MSTO1: variants seen among roughly 807,000 people sequenced by gnomAD.
MSTO1 encodes misato mitochondrial distribution and morphology regulator 1, also known as protein misato homolog 1.
Under a neutral mutation model 55.7 loss-of-function variants are expected in MSTO1, and 24 were observed. The ratio of observed to expected loss-of-function variants is 0.43; its 90% CI spans 0.31 to 0.61. MSTO1 has a LOEUF of 0.61. Among genes scored for constraint, MSTO1 ranks in the 20% least tolerant of loss-of-function variants. MSTO1 has a pLI of 0.09. For synonymous variants in MSTO1, 162 were observed against 252.8 expected (o/e 0.64, Z 3.41); for missense variants, 363 against 625.7 (o/e 0.58, Z 4.48).
chr1:155,588,248 C>A, the MSTO1 span, among the ~76,000 whole-genome samples: 1 of 150,180 alleles, frequency 6.7e-6, no homozygotes, highest in Admixed American at 6.6e-5. Context: ...ACAATTTTAG[C>A]ATCTAAAATG....
At chr1:155,598,746 C>T in the MSTO1 span, 4 of 630,860 alleles carry the variant, frequency 6.3e-6, no homozygotes, top group Non-Finnish European at 1.1e-5. Context: ...ACAAAAAAAA[C>T]ATAAGTACTG....
At chr1:155,597,510 G>A in the MSTO1 span, among the ~76,000 whole-genome samples, 1 of 150,900 alleles carries the variant, frequency 6.6e-6, no homozygotes, top group Admixed American at 6.6e-5. Context: ...ACAGGTAATT[G>A]CAAACTTTTT....
chr1:155,607,257 C>T (rs1352101342), upstream of MSTO1, among the ~76,000 whole-genome samples: 1 of 152,146 alleles, frequency 6.6e-6, no homozygotes, highest in East Asian at 1.9e-4. Flanking sequence ...TCACTGCAAC[C>T]TCCGACTCCC....
chr1:155,603,394 CA>C, the MSTO1 span, among the ~76,000 whole-genome samples: 2 of 150,730 alleles, frequency 1.3e-5, no homozygotes, highest in Non-Finnish European at 3.0e-5. Context: ...GACTCTGTCT[CA>C]AAAAACAAAA....
chr1:155,595,439 A>C, the MSTO1 span, among the ~76,000 whole-genome samples: 1 of 150,828 alleles, frequency 6.6e-6, no homozygotes, highest in Non-Finnish European at 1.5e-5. Flanking sequence ...CGGCCTCCCA[A>C]AGTGCTGGGA....
At chr1:155,563,476 G>A in the MSTO1 span, 1 of 456,668 alleles carries the variant, frequency 2.2e-6, no homozygotes, top group East Asian at 6.9e-5. Flanking sequence ...CCTGGGACCC[G>A]AGGAAGATCG....
Position 155,612,852 on chromosome 1 carries a change from G to A in MSTO1, c.975G>A (p.Leu325=). The A allele has an allele frequency of 1.2e-6, 2 of 1,613,908 alleles. No homozygotes were observed. The highest frequency in any genetic ancestry group is 2.2e-5 in the East Asian group (1 of 44,888). Residue 325 remains leucine (L), a synonymous_variant, in exon 10 of 14, where the codon CTG becomes CTA. Transcript: ENST00000245564. ...SFPYLHYDAT[L]PFHCSAILAT... The stretch of plus-strand genomic sequence containing the variant: ...TTGGTGTCTTCTTACAGGCCACTCT[G>A]CCCTTCCACTGCAGTGCCATCCTGG...
chr1:155,593,795 T>C, the MSTO1 span, among the ~76,000 whole-genome samples: 20 of 151,790 alleles, frequency 1.3e-4, no homozygotes, highest in Admixed American at 1.2e-3. Flanking sequence ...AGTGAAACCC[T>C]GTCTCTACTA....
chr1:155,570,871 G>T, the MSTO1 span, among the ~76,000 whole-genome samples: 1,049 of 152,240 alleles, frequency 6.9e-3, 8 homozygotes, highest in African/African-American at 0.024. Context: ...GATAAGGGTG[G>T]ACTACTGTAT....
chr1:155,598,838 C>T, the MSTO1 span: 1 of 1,397,778 alleles, frequency 7.2e-7, no homozygotes. Context: ...GAGAAGGGAA[C>T]CGGAAAAACA....
Position 155,611,963 on chromosome 1 carries a change from A to T in MSTO1, c.561-20A>T. ...TTGAGGGAAGAGATGTAAGTCTTGG[A>T]TCATGTTTACTTGTGGCAGGGAAGC... On this transcript the variant is annotated intron_variant, in intron 6 of 13. Coordinates refer to ENST00000245564, the MANE Select transcript of MSTO1 (RefSeq NM_018116.4). 1.2e-6 allele frequency: 1 copy of T among 850,082 alleles called. No individual in the cohort carries two copies. Among genetic ancestry groups the T allele is most frequent in the Non-Finnish European group, 1.8e-6 (1 of 548,260 alleles). 52.7% of individuals were successfully genotyped at this position (850,082 alleles called of 1,614,324 possible). A position where few individuals can be genotyped will look rare whatever the true frequency, so the allele number is the denominator to read the frequency against.
chr1:155,577,610 C>T, the MSTO1 span, among the ~76,000 whole-genome samples: 1 of 152,134 alleles, frequency 6.6e-6, no homozygotes, highest in South Asian at 2.1e-4. Flanking sequence ...ATGCCAGTAC[C>T]AGACTATCTT....
chr1:155,564,039 A>C, the MSTO1 span: 2 of 165,886 alleles, frequency 1.2e-5, no homozygotes, highest in African/African-American at 4.8e-5. Context: ...GGACGATTAA[A>C]GTCCACAAAT....
intron 4 of MSTO1, 66 bp downstream of exon 4, chr1:155,611,357 T>C: frequency 6.2e-7 from 1 of 1,613,580 alleles, no homozygotes; most frequent in Non-Finnish European, 8.5e-7. Context: ...TAGGGGCAGG[T>C]AAACGGGGAT....
chr1:155,607,068 G>A (rs1050385186), upstream of MSTO1, among the ~76,000 whole-genome samples: 3 of 151,808 alleles, frequency 2.0e-5, no homozygotes, highest in Admixed American at 6.6e-5. Flanking sequence ...TTCTGACCTC[G>A]TGATCCGCCC....
chr1:155,613,543 A>G lies in MSTO1; in HGVS notation c.1365A>G (p.Gln455=), dbSNP rs746569367. 16 of 1,612,670 alleles carry G rather than the reference A, an allele frequency of 9.9e-6. No homozygotes were observed. In the East Asian group the frequency reaches 3.1e-4, roughly 31 times the overall value. ...TGEEILAQYL[Q]QQQPGVMSSS... The stretch of plus-strand genomic sequence containing the variant: ...AAGAAATCTTGGCTCAGTATTTACA[A>G]CAGCAGCAGCCTGGAGTCATGAGGT... The change falls in exon 12 of 14, where the codon CAA becomes CAG. Residue 455 remains glutamine (Q), a synonymous_variant. Coordinates refer to ENST00000245564, the MANE Select transcript of MSTO1 (RefSeq NM_018116.4).
At chr1:155,565,640 A>G in the MSTO1 span, among the ~76,000 whole-genome samples, 1 of 152,322 alleles carries the variant, frequency 6.6e-6, no homozygotes, top group Admixed American at 6.5e-5. Context: ...CCTTTACTGG[A>G]ATTTCACCAC....
the MSTO1 span, among the ~76,000 whole-genome samples, chr1:155,570,325 C>G: frequency 3.3e-5 from 5 of 152,270 alleles, no homozygotes; most frequent in East Asian, 5.8e-4. Context: ...GTCCACTGTT[C>G]TGAGTAACGT....
At chr1:155,566,856 C>T in the MSTO1 span, among the ~76,000 whole-genome samples, 2 of 151,922 alleles carry the variant, frequency 1.3e-5, no homozygotes, top group African/African-American at 4.8e-5. Context: ...CTCAGGTGAT[C>T]CGCCCGTCTC....
Sources: allele counts gnomAD v4.1 joint callset (sites outside exome capture counted in the v4.1 genomes callset), GRCh38; gene constraint gnomAD v4.1.1; transcripts MANE v1.5; gene names NCBI Gene and HGNC (gene_info 2026-07-23, HGNC 2026-07-21).